Variants in IFT80 observed in about 807,000 individuals in gnomAD.
IFT80 encodes the protein intraflagellar transport 80, also known as intraflagellar transport protein 80 homolog.
Under a neutral mutation model 107.9 loss-of-function variants are expected in IFT80, and 79 were observed. The ratio of observed to expected loss-of-function variants is 0.73; its 90% CI spans 0.61 to 0.88. The LOEUF (loss-of-function observed/expected upper bound fraction) is 0.88. IFT80 is among the 40% of genes least tolerant of loss of function. IFT80 has a pLI of 0.00. For synonymous variants in IFT80, 299 were observed against 300.9 expected (o/e 0.99, Z 0.07); for missense variants, 797 against 914.2 (o/e 0.87, Z 1.65).
At chr3:160,349,189 T>C (rs897353334) in intron 8 of IFT80, among the ~76,000 whole-genome samples, 5 of 152,164 alleles carry the variant, frequency 3.3e-5, no homozygotes, top group Non-Finnish European at 7.4e-5. Flanking sequence ...TGGCTCACCC[T>C]ATAATCCCAG....
intron 18 of IFT80, 126 bp downstream of exon 18, chr3:160,277,180 T>G: frequency 1.2e-6 from 1 of 806,264 alleles, no homozygotes; most frequent in South Asian, 1.4e-5. Context: ...AATATGAATA[T>G]GAATAAATTC....
chr3:160,368,670 T>G (rs528929649), intron 5 of IFT80, among the ~76,000 whole-genome samples: 2 of 152,076 alleles, frequency 1.3e-5, no homozygotes, highest in South Asian at 2.1e-4. Context: ...TTCAGATATT[T>G]CAAATGTAGT....
intron 6 of IFT80, among the ~76,000 whole-genome samples, chr3:160,364,496 T>C (rs76247316): frequency 0.39 from 59,808 of 152,056 alleles, 12,771 homozygotes; most frequent in Non-Finnish European, 0.49. Flanking sequence ...GCCATCCCAT[T>C]ACTGGGTATA....
chr3:160,362,175 TA>T (rs1315173597), intron 6 of IFT80, among the ~76,000 whole-genome samples: 9 of 151,886 alleles, frequency 5.9e-5, no homozygotes, highest in African/African-American at 1.9e-4. Flanking sequence ...ATAGATACAA[TA>T]AAAAATGATA....
intron 9 of IFT80, among the ~76,000 whole-genome samples, chr3:160,318,212 C>G (rs1717961789): frequency 6.6e-6 from 1 of 150,920 alleles, no homozygotes; most frequent in Non-Finnish European, 1.5e-5. Context: ...TTTAAATTAT[C>G]TAAATAAAAA....
chr3:160,378,813 G>T (rs1209767867), intron 3 of IFT80, among the ~76,000 whole-genome samples: 1 of 151,902 alleles, frequency 6.6e-6, no homozygotes, highest in East Asian at 1.9e-4. Flanking sequence ...ATATGGGCAT[G>T]GGACAGGAAG....
rs1434951812 is a variant in IFT80, at chr3:160,322,076, G to C, written c.778-2137C>G. The stretch of plus-strand genomic sequence containing the variant: ...ATACTTTAAGTTTTAGGGTACATGT[G>C]CATAATGTGCAGGTTAGTTATATAT... On this transcript the variant is annotated intron_variant, in intron 8 of 19. Coordinates refer to ENST00000326448, the MANE Select transcript of IFT80 (RefSeq NM_020800.3). Among the ~76,000 whole-genome samples, 11 of 150,968 alleles carry C rather than the reference G, an allele frequency of 7.3e-5. No individual in the cohort carries two copies. The Admixed American group carries it at 7.3e-4, about 10-fold the overall frequency.
intron 12 of IFT80, among the ~76,000 whole-genome samples, chr3:160,296,262 G>A (rs367885955): frequency 6.6e-6 from 1 of 152,078 alleles, no homozygotes; most frequent in Non-Finnish European, 1.5e-5. Context: ...GATCATGTAA[G>A]TATTTTAAAA....
intron 10 of IFT80, 136 bp from the exon 11 acceptor site, chr3:160,304,125 G>T: frequency 1.5e-6 from 1 of 667,798 alleles, no homozygotes; most frequent in Non-Finnish European, 2.7e-6. Flanking sequence ...TACAGCACTT[G>T]GTGCATTGTT....
intron 8 of IFT80, among the ~76,000 whole-genome samples, chr3:160,339,880 T>C (rs1719762373): frequency 6.6e-6 from 1 of 152,174 alleles, no homozygotes; most frequent in Non-Finnish European, 1.5e-5. Context: ...AGCAACGTAT[T>C]TTTGTCTGAA....
Position 160,398,762 on chromosome 3 carries a change from T to C in IFT80, c.-47+384A>G, listed in dbSNP as rs370190293. 1.7e-4 allele frequency among the ~76,000 whole-genome samples: 26 copies of C among 152,312 alleles called. No homozygotes were observed. The East Asian group carries it at 3.3e-3, about 19-fold the overall frequency. The stretch of plus-strand genomic sequence containing the variant: ...GTATACAAACACTACTTAGGGAATA[T>C]TTGCTGATCGATAATTTCCTCATAA... On this transcript the variant is annotated intron_variant, in intron 1 of 19. Coordinates refer to ENST00000326448, the MANE Select transcript of IFT80 (RefSeq NM_020800.3).
chr3:160,398,681 G>C (rs761241401), intron 1 of IFT80, among the ~76,000 whole-genome samples: 1 of 152,096 alleles, frequency 6.6e-6, no homozygotes, highest in Non-Finnish European at 1.5e-5. Context: ...AGTTCTCGGG[G>C]AACAGGAATC....
chr3:160,383,482 T>C (rs1330337206), intron 2 of IFT80: 2 of 952,552 alleles, frequency 2.1e-6, no homozygotes, highest in Non-Finnish European at 2.5e-6. Flanking sequence ...GCTTTCCTAG[T>C]TCTGATGAAG....
At position 160,319,848 on chromosome 3, in the gene IFT80, T is replaced by C. The variant is rs138081429; in HGVS notation, c.869A>G (p.Asn290Ser). ...CACATGTGCAAAAACGACATGTCCA[T>C]TTCCACAGGCTCCAGCAATCTGAGT... ...DGTQIAGACG[N>S]GHVVFAHVVE... The change falls in exon 9 of 20, where the codon AAT (asparagine) becomes AGT (serine). Residue 290 changes from asparagine to serine, a missense_variant. Coordinates refer to ENST00000326448, the MANE Select transcript of IFT80 (RefSeq NM_020800.3). 159 of 1,612,908 alleles carry C rather than the reference T, an allele frequency of 9.9e-5. No homozygotes were observed. The Middle Eastern group carries it at 9.9e-4, about 10-fold the overall frequency.
At chr3:160,268,913 A>G (rs1417817605) in intron 18 of IFT80, among the ~76,000 whole-genome samples, 2 of 152,186 alleles carry the variant, frequency 1.3e-5, no homozygotes, top group Non-Finnish European at 2.9e-5. Context: ...TACAGAGTAC[A>G]TATGTGGTAA....
chr3:160,319,021 C>T (rs1459357292), intron 9 of IFT80, among the ~76,000 whole-genome samples: 3 of 152,048 alleles, frequency 2.0e-5, no homozygotes, highest in Non-Finnish European at 4.4e-5. Flanking sequence ...CTTATTACCA[C>T]TAGATCATAC....
chr3:160,372,850 A>G (rs934448203), intron 5 of IFT80, among the ~76,000 whole-genome samples: 1 of 152,202 alleles, frequency 6.6e-6, no homozygotes, highest in African/African-American at 2.4e-5. Context: ...TATATGGTAT[A>G]ATCTGTATTT....
intron 10 of IFT80, among the ~76,000 whole-genome samples, chr3:160,304,504 C>T (rs1161473869): frequency 2.0e-5 from 3 of 148,244 alleles, no homozygotes; most frequent in African/African-American, 7.4e-5. Flanking sequence ...GGCACAATCT[C>T]GGCTCACTGC....
intron 11 of IFT80, 100 bp downstream of exon 11, chr3:160,303,815 T>C: frequency 1.4e-6 from 1 of 735,098 alleles, no homozygotes; most frequent in Non-Finnish European, 2.5e-6. Context: ...TGGTTCTAAA[T>C]GACTAGTATA....
Sources: gnomAD v4.1 joint callset for allele counts (sites outside exome capture counted in the v4.1 genomes callset) on GRCh38, gnomAD v4.1.1 for gene constraint, MANE v1.5 for transcripts, NCBI Gene and HGNC (gene_info 2026-07-23, HGNC 2026-07-21) for gene names.